Variants in NCAPD3 observed in about 807,000 individuals in gnomAD.
NCAPD3 encodes non-SMC condensin II complex subunit D3, also known as condensin-2 complex subunit D3.
In NCAPD3, 105 loss-of-function variants were observed where a neutral mutation model predicts 182.9. The observed-to-expected ratio is 0.57, with a 90% CI of 0.49 to 0.68. The LOEUF is 0.68. Ranked by LOEUF, NCAPD3 falls within the 30% of genes least tolerant of loss-of-function variation. The pLI is 0.00. For synonymous variants in NCAPD3, 815 were observed against 679.9 expected (o/e 1.20, Z -3.09); for missense variants, 1,944 against 1,837.0 (o/e 1.06, Z -1.07).
chr11:134,225,274 G>A (rs1938428089), upstream of NCAPD3: 6 of 1,614,120 alleles, frequency 3.7e-6, no homozygotes, highest in East Asian at 6.7e-5. Context: ...GGGAAGGTGA[G>A]CCTTGCCCTC....
intron 32 of NCAPD3, among the ~76,000 whole-genome samples, chr11:134,156,151 G>T (rs1434304289): frequency 1.3e-5 from 2 of 152,232 alleles, no homozygotes; most frequent in African/African-American, 4.8e-5. Flanking sequence ...GGGACCAGAA[G>T]GCCTGGGCTC....
intron 3 of NCAPD3, among the ~76,000 whole-genome samples, chr11:134,211,460 C>T (rs1937828560): frequency 6.6e-6 from 1 of 151,784 alleles, no homozygotes; most frequent in Non-Finnish European, 1.5e-5. Context: ...CCAGTCTGAG[C>T]AACACAGCAA....
intron 13 of NCAPD3, among the ~76,000 whole-genome samples, chr11:134,200,082 T>C (rs2136006265): frequency 6.6e-6 from 1 of 152,254 alleles, no homozygotes; most frequent in Non-Finnish European, 1.5e-5. Context: ...TATCACACCA[T>C]ATTCAAAAAT....
At chr11:134,154,929 G>A (rs1043460824) in intron 32 of NCAPD3, among the ~76,000 whole-genome samples, 1 of 152,182 alleles carries the variant, frequency 6.6e-6, no homozygotes, top group East Asian at 1.9e-4. Flanking sequence ...CTGTTTCGGT[G>A]AAGTCTCTCC....
At chr11:134,165,932 A>G (rs1362261705) in intron 27 of NCAPD3, among the ~76,000 whole-genome samples, 31 of 75,410 alleles carry the variant, frequency 4.1e-4, no homozygotes, top group South Asian at 1.8e-3. Context: ...TTGGGGGAGC[A>G]GCACACTCAC....
intron 13 of NCAPD3, among the ~76,000 whole-genome samples, chr11:134,197,816 C>A (rs1944668122): frequency 6.6e-6 from 1 of 152,160 alleles, no homozygotes; most frequent in South Asian, 2.1e-4. Context: ...GCAGAGAAAG[C>A]ATTTGCAAAT....
At chr11:134,197,730 C>T (rs1944666430) in intron 13 of NCAPD3, among the ~76,000 whole-genome samples, 1 of 152,194 alleles carries the variant, frequency 6.6e-6, no homozygotes, top group Admixed American at 6.5e-5. Context: ...AAATGTCAAC[C>T]TGTGAAAAAT....
At chr11:134,162,857 C>G (rs1378966889) in intron 27 of NCAPD3, among the ~76,000 whole-genome samples, 1 of 152,098 alleles carries the variant, frequency 6.6e-6, no homozygotes, top group African/African-American at 2.4e-5. Context: ...GTGTGTGTCT[C>G]AAGGGAAGAG....
intron 1 of NCAPD3, 114 bp from the exon 2 acceptor site, chr11:134,220,840 T>C (rs1187143713): frequency 1.0e-6 from 1 of 955,960 alleles, no homozygotes; most frequent in South Asian, 2.0e-5. Flanking sequence ...ACGATTCACA[T>C]TTAACTTGTT....
rs1314588217 is a variant in NCAPD3, at chr11:134,152,056, AAAAC to A, written c.*884_*887del. 9.8e-5 allele frequency: 15 copies of A among 152,392 alleles called. No homozygotes were observed. The highest frequency in any genetic ancestry group is 7.7e-4 in the East Asian group (4 of 5,186). 9.4% of individuals were successfully genotyped at this position (152,392 alleles called of 1,614,324 possible). The stretch of plus-strand genomic sequence containing the variant: ...TTTGCTTTTGTAATACTGGGATTAA[AAAAC>A]AAACCAACTGCATTTCTTTCTGGAT... On this transcript the variant is annotated 3_prime_UTR_variant, in exon 35 of 35. Coordinates refer to ENST00000534548, the MANE Select transcript of NCAPD3 (RefSeq NM_015261.3).
At position 134,152,519 on chromosome 11, in the gene NCAPD3, G is replaced by GA. The variant is rs1172589455; in HGVS notation, c.*424dup. ...AAAAAATTTGCACTTATAAATAATA[G>GA]AAAAAATATTAGAATCAAAATTTCG... is the stretch of plus-strand genomic sequence containing the variant. On this transcript the variant is annotated 3_prime_UTR_variant, in exon 35 of 35. Transcript: ENST00000534548. 3 of 154,106 alleles carry GA rather than the reference G, an allele frequency of 1.9e-5. No individual in the cohort carries two copies. Among genetic ancestry groups the GA allele is most frequent in the Admixed American group, 6.5e-5 (1 of 15,326 alleles). The allele number at this position is 154,106 out of a possible 1,614,324, so 9.5% of individuals were successfully genotyped here.
At chr11:134,203,993 T>A (rs986850518) in intron 10 of NCAPD3, 53 bp downstream of exon 10, 3 of 1,600,512 alleles carry the variant, frequency 1.9e-6, no homozygotes, top group Non-Finnish European at 2.6e-6. Flanking sequence ...AAAGAGACCC[T>A]TTTAAAAAGA....
intron 24 of NCAPD3, among the ~76,000 whole-genome samples, chr11:134,170,285 A>C (rs1390835204): frequency 6.6e-6 from 1 of 152,260 alleles, no homozygotes; most frequent in Non-Finnish European, 1.5e-5. Context: ...AATTCACTTA[A>C]GGACAACCAG....
At chr11:134,216,755 G>A (rs1234476499) in intron 3 of NCAPD3, among the ~76,000 whole-genome samples, 181 bp downstream of exon 3, 1 of 152,048 alleles carries the variant, frequency 6.6e-6, no homozygotes, top group African/African-American at 2.4e-5. Flanking sequence ...AAGGGGGAAG[G>A]TTTTCCAAGA....
intron 19 of NCAPD3, chr11:134,182,909 C>T: frequency 3.4e-6 from 1 of 297,338 alleles, no homozygotes. Context: ...GGGCCTTGCT[C>T]CTCTGTCAAC....
At position 134,216,916 on chromosome 11, in the gene NCAPD3, A is replaced by G. The variant is rs368668822; in HGVS notation, c.382+20T>C. ...AAAAAAATGACAGAAGATTTATCCT[A>G]TCATATCAGGTCTACATACCTGGTA... On this transcript the variant is annotated intron_variant, in intron 3 of 34. Transcript: ENST00000534548. The G allele has an allele frequency of 2.5e-5, 40 of 1,578,242 alleles. No homozygotes were observed. The highest frequency in any genetic ancestry group is 2.1e-4 in the Middle Eastern group (1 of 4,674).
chr11:134,167,967 A>T (rs1555129972), intron 27 of NCAPD3, 29 bp downstream of exon 27: 3 of 1,604,878 alleles, frequency 1.9e-6, no homozygotes, highest in Admixed American at 1.7e-5. Flanking sequence ...ACTTGTGAGA[A>T]GATGATCTTA....
At chr11:134,154,925 C>T (rs541268448) in intron 32 of NCAPD3, among the ~76,000 whole-genome samples, 17 of 152,272 alleles carry the variant, frequency 1.1e-4, no homozygotes, top group Admixed American at 2.0e-4. Flanking sequence ...TATTCTGTTT[C>T]GGTGAAGTCT....
chr11:134,163,629 G>A (rs923207344), intron 27 of NCAPD3, among the ~76,000 whole-genome samples: 4 of 151,278 alleles, frequency 2.6e-5, no homozygotes, highest in East Asian at 1.9e-4. Context: ...GAACCCAGGG[G>A]GGCAGAGCTT....
Sources: allele counts gnomAD v4.1 joint callset (sites outside exome capture counted in the v4.1 genomes callset), GRCh38; gene constraint gnomAD v4.1.1; transcripts MANE v1.5; gene names NCBI Gene and HGNC (gene_info 2026-07-23, HGNC 2026-07-21).